The following CDC42SE2 variants were observed in gnomAD, a reference collection of about 807,000 sequenced individuals.
CDC42SE2 encodes the protein CDC42 small effector protein 2.
Under a neutral mutation model 11.5 loss-of-function variants are expected in CDC42SE2, and 3 were observed. The observed-to-expected ratio is 0.26, with a 90% confidence interval of 0.12 to 0.67. The LOEUF (loss-of-function observed/expected upper bound fraction) is 0.67. Among genes scored for constraint, CDC42SE2 ranks in the 30% least tolerant of loss-of-function variants. The pLI is 0.80. For missense variants in CDC42SE2, 82 were observed against 106.8 expected, an observed-to-expected ratio of 0.77 and a Z score of 1.02; for synonymous variants, 33 against 34.8, an observed-to-expected ratio of 0.95 and a Z score of 0.18.
At chr5:131,264,967 C>A (rs1172680919) in intron 1 of CDC42SE2, among the ~76,000 whole-genome samples, 2 of 152,094 alleles carry the variant, frequency 1.3e-5, no homozygotes, top group Non-Finnish European at 1.5e-5. Flanking sequence ...CTAAATGTTT[C>A]GTTGAAGGGC....
intron 4 of CDC42SE2, among the ~76,000 whole-genome samples, chr5:131,387,838 CT>C (rs1430906330): frequency 6.6e-6 from 1 of 152,098 alleles, no homozygotes; most frequent in Non-Finnish European, 1.5e-5. Flanking sequence ...CTGAAGTGGA[CT>C]TTTTATGAAG....
At chr5:131,217,512 T>G in the CDC42SE2 span, among the ~76,000 whole-genome samples, 13 of 152,320 alleles carry the variant, frequency 8.5e-5, no homozygotes, top group Non-Finnish European at 1.9e-4. Flanking sequence ...CAAACAGTAC[T>G]GAGTGAATAG....
intron 2 of CDC42SE2, among the ~76,000 whole-genome samples, chr5:131,335,310 G>A (rs1420836166): frequency 6.6e-6 from 1 of 152,198 alleles, no homozygotes; most frequent in African/African-American, 2.4e-5. Context: ...GTTCTAGTTT[G>A]ATTGCACTGT....
At chr5:131,291,052 A>G (rs1757448349) in intron 1 of CDC42SE2, among the ~76,000 whole-genome samples, 1 of 152,196 alleles carries the variant, frequency 6.6e-6, no homozygotes, top group Non-Finnish European at 1.5e-5. Context: ...GAAGCCTTAT[A>G]GAGAAATATT....
intron 1 of CDC42SE2, among the ~76,000 whole-genome samples, chr5:131,287,334 A>C (rs1757362177): frequency 6.6e-6 from 1 of 152,188 alleles, no homozygotes; most frequent in African/African-American, 2.4e-5. Context: ...GGTTAACAAT[A>C]TTCAACTTAG....
intron 1 of CDC42SE2, among the ~76,000 whole-genome samples, chr5:131,288,493 A>T (rs1039927743): frequency 1.3e-5 from 2 of 151,998 alleles, no homozygotes; most frequent in African/African-American, 2.4e-5. Flanking sequence ...CAAATACTGT[A>T]ATTTCGATTC....
At chr5:131,342,386 G>GTGTTTTTTTTTTTTTTTTTTT (rs1304028910) in intron 2 of CDC42SE2, among the ~76,000 whole-genome samples, 1 of 114,870 alleles carries the variant, frequency 8.7e-6, no homozygotes, top group African/African-American at 5.8e-5. Context: ...ATTTTTAATA[G>GTGTTTTTTTTTTTTTTTTTTT]TCTTTTTTTT....
At chr5:131,366,498 A>T (rs946406803) in intron 3 of CDC42SE2, among the ~76,000 whole-genome samples, 4 of 152,166 alleles carry the variant, frequency 2.6e-5, no homozygotes, top group African/African-American at 9.7e-5. Flanking sequence ...ATTTTGCTTT[A>T]ATGTTTTTCG....
chr5:131,334,440 C>T lies in CDC42SE2; in HGVS notation c.-286+18296C>T, dbSNP rs1447336694. ...CTAAAATTCTCTTTTTTGGTTGTGT[C>T]TCTGCCCGGCTTTGGTATCAGGATG... On this transcript the variant is annotated intron_variant, in intron 2 of 4. Coordinates refer to ENST00000505065, the MANE Select transcript of CDC42SE2 (RefSeq NM_001375635.1). 2.6e-5 allele frequency among the ~76,000 whole-genome samples: 4 copies of T among 152,210 alleles called. No homozygotes were observed. In the East Asian group the frequency reaches 5.8e-4, roughly 22 times the overall value.
At chr5:131,214,221 G>A in the CDC42SE2 span, among the ~76,000 whole-genome samples, 1 of 152,146 alleles carries the variant, frequency 6.6e-6, no homozygotes, top group African/African-American at 2.4e-5. Context: ...AAAAATGTCA[G>A]TTGGAGATCA....
chr5:131,336,378 A>C (rs1260631830), intron 2 of CDC42SE2, among the ~76,000 whole-genome samples: 1 of 152,156 alleles, frequency 6.6e-6, no homozygotes, highest in Non-Finnish European at 1.5e-5. Flanking sequence ...GGGTAACCCA[A>C]CCTTTCTCTC....
chr5:131,374,741 A>G (rs1457421459), intron 3 of CDC42SE2, among the ~76,000 whole-genome samples: 6 of 152,088 alleles, frequency 3.9e-5, no homozygotes, highest in Non-Finnish European at 7.4e-5. Context: ...TTTATATAGT[A>G]AATGTTTGGG....
chr5:131,350,415 T>C (rs866897562), intron 2 of CDC42SE2, among the ~76,000 whole-genome samples: 1 of 151,938 alleles, frequency 6.6e-6, no homozygotes. Context: ...AATGTCAAAA[T>C]TGAATTACAG....
At chr5:131,333,405 C>T (rs1016712783) in intron 2 of CDC42SE2, among the ~76,000 whole-genome samples, 2 of 152,188 alleles carry the variant, frequency 1.3e-5, no homozygotes, top group African/African-American at 4.8e-5. Flanking sequence ...TAGCATGATG[C>T]CTCCAGCTTT....
intron 1 of CDC42SE2, among the ~76,000 whole-genome samples, chr5:131,265,636 A>G (rs1427055446): frequency 6.6e-6 from 1 of 152,194 alleles, no homozygotes; most frequent in African/African-American, 2.4e-5. Flanking sequence ...CCTAGTGGCT[A>G]TTTCAGTTGG....
the CDC42SE2 span, among the ~76,000 whole-genome samples, chr5:131,235,586 C>A: frequency 1.3e-5 from 2 of 151,318 alleles, no homozygotes; most frequent in African/African-American, 4.9e-5. Context: ...CTGTGCCTGG[C>A]CTATTTTTGT....
intron 3 of CDC42SE2, 128 bp downstream of exon 3, chr5:131,359,675 C>G (rs1749652201): frequency 4.1e-6 from 3 of 739,550 alleles, no homozygotes; most frequent in Non-Finnish European, 7.3e-6. Flanking sequence ...GAGAATAGTT[C>G]AGTGGAACTC....
the CDC42SE2 span, among the ~76,000 whole-genome samples, chr5:131,237,922 C>A: frequency 2.0e-5 from 3 of 152,110 alleles, no homozygotes; most frequent in Non-Finnish European, 4.4e-5. Flanking sequence ...CTTTTCTATT[C>A]TCAGTGTGTT....
chr5:131,336,913 G>A (rs577257626), intron 2 of CDC42SE2, among the ~76,000 whole-genome samples: 2 of 152,146 alleles, frequency 1.3e-5, no homozygotes, highest in Admixed American at 6.5e-5. Context: ...CCATTCGTTC[G>A]AACTTCCTCC....
Sources: allele counts gnomAD v4.1 joint callset (sites outside exome capture counted in the v4.1 genomes callset), GRCh38; gene constraint gnomAD v4.1.1; transcripts MANE v1.5; gene names NCBI Gene and HGNC (gene_info 2026-07-23, HGNC 2026-07-21).